The following SORCS1 variants were observed in gnomAD, a reference collection of about 807,000 sequenced individuals.
The protein encoded by SORCS1 is sortilin related VPS10 domain containing receptor 1, also known as VPS10 domain-containing receptor SorCS1.
In SORCS1, 60 loss-of-function variants were observed where a neutral mutation model predicts 146.1. That is an observed-to-expected ratio of 0.41 (90% CI 0.33 to 0.51). The LOEUF (loss-of-function observed/expected upper bound fraction) is 0.51, where lower values mean the gene tolerates loss of function less well. SORCS1 is among the 20% of genes least tolerant of loss of function. The pLI, the probability that SORCS1 is intolerant of heterozygous loss-of-function variation, is 0.21. For synonymous variants in SORCS1, 637 were observed against 584.0 expected (o/e 1.09, Z -1.31); for missense variants, 1,352 against 1,487.6 (o/e 0.91, Z 1.50).
chr10:106,869,288 C>G (rs376013028), intron 2 of SORCS1, among the ~76,000 whole-genome samples: 1 of 152,188 alleles, frequency 6.6e-6, no homozygotes, highest in African/African-American at 2.4e-5. Context: ...ACCATTCTTA[C>G]TGAAACATCT....
At chr10:107,163,836 TG>T in intron 1 of SORCS1, 132 bp downstream of exon 1, 1 of 1,000,718 alleles carries the variant, frequency 1.0e-6, no homozygotes, top group Non-Finnish European at 1.4e-6. Flanking sequence ...TTGGGGGAAG[TG>T]GGCAGAGACC....
At chr10:107,072,070 C>A (rs540758511) in intron 1 of SORCS1, among the ~76,000 whole-genome samples, 1 of 152,198 alleles carries the variant, frequency 6.6e-6, no homozygotes, top group Non-Finnish European at 1.5e-5. Flanking sequence ...GATGCAGCTG[C>A]AGCTACAGGA....
intron 2 of SORCS1, among the ~76,000 whole-genome samples, chr10:106,941,578 C>T (rs1293504918): frequency 6.6e-6 from 1 of 152,192 alleles, no homozygotes; most frequent in East Asian, 1.9e-4. Flanking sequence ...ACACAATACC[C>T]TTCCTTTATT....
At chr10:106,751,422 G>A in intron 5 of SORCS1, among the ~76,000 whole-genome samples, 1 of 152,328 alleles carries the variant, frequency 6.6e-6, no homozygotes, top group East Asian at 1.9e-4. Flanking sequence ...GGCTTTCTGA[G>A]TTCTTCTCCT....
intron 18 of SORCS1, among the ~76,000 whole-genome samples, chr10:106,630,850 A>G (rs1848399758): frequency 6.8e-6 from 1 of 147,704 alleles, no homozygotes; most frequent in African/African-American, 2.5e-5. Context: ...CAGACCTGTA[A>G]AAAAAAAAAA....
rs140593085 is a variant in SORCS1, at chr10:107,024,991, TATC to T, written c.559-68414_559-68412del. Among the ~76,000 whole-genome samples the T allele has an allele frequency of 4.6e-5, 7 of 152,330 alleles. No homozygotes were observed. In the East Asian group the frequency reaches 1.4e-3, roughly 29 times the overall value. ...CTGGCTTGGGGCTAAGGGTTAGTAT[TATC>T]AGTACTAGAGTGTTGTGAAGCTGAA... On this transcript the variant is annotated intron_variant, in intron 1 of 25. Coordinates refer to ENST00000263054, the MANE Select transcript of SORCS1 (RefSeq NM_052918.5).
chr10:106,607,366 G>T lies in SORCS1; in HGVS notation c.3034-69C>A. 4 of 1,586,304 alleles carry T rather than the reference G, an allele frequency of 2.5e-6. No individual in the cohort carries two copies. The South Asian group carries it at 4.6e-5, about 18-fold the overall frequency. On this transcript the variant is annotated intron_variant, in intron 22 of 25. Coordinates refer to ENST00000263054, the MANE Select transcript of SORCS1 (RefSeq NM_052918.5). ...AAAGCTGAGAAGGGACCAAGTATTTGGTGGGGGGATCAGGGGTAGGCAGAA... is the reference window on the plus strand; with the variant it reads ...AAAGCTGAGAAGGGACCAAGTATTTTGTGGGGGGATCAGGGGTAGGCAGAA...
chr10:107,048,438 T>C (rs1321053722), intron 1 of SORCS1, among the ~76,000 whole-genome samples: 2 of 152,242 alleles, frequency 1.3e-5, no homozygotes, highest in Non-Finnish European at 2.9e-5. Context: ...CGTTTATTTG[T>C]TAATTTGTCT....
intron 20 of SORCS1, among the ~76,000 whole-genome samples, chr10:106,619,553 G>A (rs1373643656): frequency 6.6e-6 from 1 of 152,222 alleles, no homozygotes; most frequent in African/African-American, 2.4e-5. Context: ...GTCCTTTGGG[G>A]CCTCAGCTCT....
At chr10:107,167,121 A>C (rs1043727210), upstream of SORCS1, among the ~76,000 whole-genome samples, 1 of 152,246 alleles carries the variant, frequency 6.6e-6, no homozygotes, top group African/African-American at 2.4e-5. Context: ...CAGAAGTTAC[A>C]CAAGTGTGGA....
At chr10:107,040,259 T>C (rs1009380921) in intron 1 of SORCS1, among the ~76,000 whole-genome samples, 10 of 152,182 alleles carry the variant, frequency 6.6e-5, no homozygotes, top group African/African-American at 2.2e-4. Flanking sequence ...GGGGTTTTTT[T>C]AGTTTTCTTC....
chr10:106,703,008 A>ACAC (rs769199503), intron 8 of SORCS1, among the ~76,000 whole-genome samples: 15 of 152,186 alleles, frequency 9.9e-5, no homozygotes, highest in Non-Finnish European at 1.9e-4. Flanking sequence ...AACCTTCAAC[A>ACAC]CACCAGTGAG....
chr10:107,148,551 G>A (rs1239010476), intron 1 of SORCS1, among the ~76,000 whole-genome samples: 1 of 152,158 alleles, frequency 6.6e-6, no homozygotes, highest in African/African-American at 2.4e-5. Context: ...GCTAAAATTT[G>A]GCCACCCCTG....
intron 12 of SORCS1, among the ~76,000 whole-genome samples, chr10:106,678,401 A>G (rs1852195646): frequency 6.6e-6 from 1 of 152,142 alleles, no homozygotes; most frequent in Admixed American, 6.5e-5. Flanking sequence ...CCCACTGAGG[A>G]TCTATAGAGG....
At chr10:106,894,344 G>A (rs912457456) in intron 2 of SORCS1, among the ~76,000 whole-genome samples, 1 of 151,644 alleles carries the variant, frequency 6.6e-6, no homozygotes, top group South Asian at 2.1e-4. Context: ...TGCAGATAAG[G>A]GGAAAAGGTT....
At chr10:107,076,417 T>C (rs1035120402) in intron 1 of SORCS1, among the ~76,000 whole-genome samples, 1 of 152,172 alleles carries the variant, frequency 6.6e-6, no homozygotes, top group African/African-American at 2.4e-5. Flanking sequence ...TTTACAGCAC[T>C]GGTATTTCTC....
At chr10:106,638,784 C>T (rs1220416547) in intron 18 of SORCS1, among the ~76,000 whole-genome samples, 1 of 152,058 alleles carries the variant, frequency 6.6e-6, no homozygotes, top group Non-Finnish European at 1.5e-5. Flanking sequence ...AGGTGCCCTA[C>T]AAAAGTCAGG....
intron 2 of SORCS1, among the ~76,000 whole-genome samples, chr10:106,870,918 C>G (rs567163625): frequency 6.6e-6 from 1 of 152,096 alleles, no homozygotes; most frequent in African/African-American, 2.4e-5. Context: ...AAACAGATAA[C>G]CTACAGAATG....
At position 107,077,277 on chromosome 10, in the gene SORCS1, A is replaced by G. The variant is rs190695496; in HGVS notation, c.558+86692T>C. On this transcript the variant is annotated intron_variant, in intron 1 of 25. Transcript: ENST00000263054. ...AATCCTCAACATTGAATACCATTTA[A>G]TAACTATTTTCGGTCCAATTAGATG... Among the ~76,000 whole-genome samples, 20 of 152,272 alleles carry G rather than the reference A, an allele frequency of 1.3e-4. No individual in the cohort carries two copies. In the East Asian group the frequency reaches 3.9e-3, roughly 29 times the overall value.
Sources: gnomAD v4.1 joint callset for allele counts (sites outside exome capture counted in the v4.1 genomes callset) on GRCh38, gnomAD v4.1.1 for gene constraint, MANE v1.5 for transcripts, NCBI Gene and HGNC (gene_info 2026-07-23, HGNC 2026-07-21) for gene names.